Variants in CACNA1C observed in about 807,000 individuals in gnomAD.
CACNA1C encodes the protein voltage-dependent L-type calcium channel subunit alpha-1C.
In CACNA1C, 30 loss-of-function variants were observed where a neutral mutation model predicts 229.0. The observed-to-expected ratio is 0.13, with a 90% CI of 0.10 to 0.18. The LOEUF (loss-of-function observed/expected upper bound fraction) is 0.18, where lower values mean the gene tolerates loss of function less well. Ranked by LOEUF, CACNA1C falls within the 10% of genes least tolerant of loss-of-function variation. The probability of loss-of-function intolerance (pLI) is 1.00; values close to 1 mark genes in which losing one functional copy is unlikely to be tolerated. For synonymous variants in CACNA1C, 1,114 were observed against 1,132.5 expected, an observed-to-expected ratio of 0.98 and a Z score of 0.33; for missense variants, 1,658 against 2,845.0, an observed-to-expected ratio of 0.58 and a Z score of 9.49.
At chr12:2,008,701 C>A (rs1420908384) in intron 1 of CACNA1C, among the ~76,000 whole-genome samples, 4 of 152,064 alleles carry the variant, frequency 2.6e-5, no homozygotes, top group Non-Finnish European at 2.9e-5. Context: ...GATAGAAAAA[C>A]ATGGAAAGGT....
At chr12:2,394,848 T>C (rs567194761) in intron 3 of CACNA1C, among the ~76,000 whole-genome samples, 17 of 152,286 alleles carry the variant, frequency 1.1e-4, no homozygotes, top group Non-Finnish European at 2.5e-4. Context: ...GTTTCCCATC[T>C]CTAACTTGGC....
chr12:2,375,637 C>T (rs1036541695), intron 3 of CACNA1C, among the ~76,000 whole-genome samples: 29 of 152,284 alleles, frequency 1.9e-4, no homozygotes, highest in African/African-American at 6.7e-4. Context: ...TTTTCCAGGC[C>T]GCTGTCTCTT....
intron 1 of CACNA1C, among the ~76,000 whole-genome samples, chr12:2,084,341 T>G (rs1469376918): frequency 1.3e-5 from 2 of 152,226 alleles, no homozygotes; most frequent in Non-Finnish European, 2.9e-5. Context: ...GAGTGTTCTT[T>G]TTTATATTAA....
At chr12:2,024,483 T>C (rs1297686911) in intron 1 of CACNA1C, among the ~76,000 whole-genome samples, 1 of 151,526 alleles carries the variant, frequency 6.6e-6, no homozygotes, top group Non-Finnish European at 1.5e-5. Flanking sequence ...CCACCTAGAG[T>C]GTTGCCCTCC....
intron 1 of CACNA1C, among the ~76,000 whole-genome samples, chr12:2,098,260 G>T (rs1265198042): frequency 6.6e-6 from 1 of 152,158 alleles, no homozygotes; most frequent in Non-Finnish European, 1.5e-5. Context: ...CCTGCTGTCT[G>T]GTGGGGTTTT....
At chr12:2,412,027 TGGCTCCCCACGCCCAAGACCCC>T (rs1220810016) in intron 3 of CACNA1C, among the ~76,000 whole-genome samples, 2 of 152,044 alleles carry the variant, frequency 1.3e-5, no homozygotes, top group Non-Finnish European at 2.9e-5. Flanking sequence ...AGCTAGGCCC[TGGCTCCCCACGCCCAAGACCCC>T]GGCTCCCCAC....
chr12:2,071,172 C>CCCTCCCTGCCTGCCTG (rs1555115765), intron 1 of CACNA1C, among the ~76,000 whole-genome samples: 1 of 16,042 alleles, frequency 6.2e-5, no homozygotes, highest in Non-Finnish European at 1.2e-4. Flanking sequence ...CTCCCTCCCT[C>CCCTCCCTGCCTGCCTG]CCTGCCTGCC....
intron 3 of CACNA1C, among the ~76,000 whole-genome samples, chr12:2,386,887 C>T (rs1467381394): frequency 6.6e-6 from 1 of 152,192 alleles, no homozygotes; most frequent in Non-Finnish European, 1.5e-5. Flanking sequence ...TCTTGCCACC[C>T]CAGTCCTCCA....
Position 2,639,347 on chromosome 12 carries a change from A to C in CACNA1C, c.3912+4967A>C, listed in dbSNP as rs1029064314. The stretch of plus-strand genomic sequence containing the variant: ...CTACAGCACCAGAAACTGCTCCCTA[A>C]ACATCCCAAACTGGAATTAATTTGA... On this transcript the variant is annotated intron_variant, in intron 30 of 46. Transcript: ENST00000399655. The surrounding 1 kb of genome is among the most constrained non-coding windows in gnomAD (Gnocchi z 4.2). Among the ~76,000 whole-genome samples, 1 of 152,122 alleles carries C rather than the reference A, an allele frequency of 6.6e-6. No individual in the cohort carries two copies. Among genetic ancestry groups the C allele is most frequent in the Non-Finnish European group, 1.5e-5 (1 of 68,022 alleles).
rs112759140 is a variant in CACNA1C at position 2,022,965 on chromosome 12, C to T, written c.139+51764C>T. ...GTCTACCCAGGTTTAGCTTTGAGAA[C>T]GTGCAGCTTGTACAGTCTCCCACTG... On this transcript the variant is annotated intron_variant, in intron 1 of 46. Coordinates refer to the CACNA1C transcript ENST00000682462. Among the ~76,000 whole-genome samples, 377 of 152,168 alleles carry T rather than the reference C, an allele frequency of 2.5e-3. 1 individual carries two copies. The highest frequency in any genetic ancestry group is 4.4e-3 in the Non-Finnish European group (296 of 67,998).
At chr12:2,157,801 G>A (rs1199377892) in intron 3 of CACNA1C, among the ~76,000 whole-genome samples, 2 of 152,132 alleles carry the variant, frequency 1.3e-5, no homozygotes, top group African/African-American at 4.8e-5. Flanking sequence ...AGCAAAGGAT[G>A]CCTATTTAAA....
At chr12:2,179,551 A>T (rs984604506) in intron 3 of CACNA1C, among the ~76,000 whole-genome samples, 1 of 152,152 alleles carries the variant, frequency 6.6e-6, no homozygotes, top group African/African-American at 2.4e-5. Context: ...CTGAACATTG[A>T]CCCAGACCCC....
chr12:2,245,818 C>T (rs566239167), intron 3 of CACNA1C, among the ~76,000 whole-genome samples: 254 of 152,286 alleles, frequency 1.7e-3, no homozygotes, highest in Non-Finnish European at 3.0e-3. Flanking sequence ...TGCAGAAATA[C>T]GTTGGCTTCT....
chr12:2,457,677 GC>G lies in CACNA1C; in HGVS notation c.733del (p.Leu245CysfsTer14). ...GCGCTGAGGGCCTTCCGCGTGCTGCGCCCCCTGCGGCTGGTGTCCGGAGTCC... is the reference window on the plus strand; with the variant it reads ...GCGCTGAGGGCCTTCCGCGTGCTGCGCCCCTGCGGCTGGTGTCCGGAGTCC... ...VKALRAFRVL[R>X]PLRLVSGVPS... On this transcript the variant is annotated frameshift_variant, in exon 5 of 47. Transcript: ENST00000399655. LOFTEE classifies it high-confidence loss of function. 1 of 1,602,108 alleles carries G rather than the reference GC, an allele frequency of 6.2e-7. No individual in the cohort carries two copies.
At chr12:2,094,286 GTGCACAT>G (rs2072792138) in intron 1 of CACNA1C, among the ~76,000 whole-genome samples, 2 of 152,228 alleles carry the variant, frequency 1.3e-5, no homozygotes, top group South Asian at 4.1e-4. Flanking sequence ...CCTATGGACA[GTGCACAT>G]CCCATGCTCA....
chr12:2,383,381 G>A (rs915906568), intron 3 of CACNA1C, among the ~76,000 whole-genome samples: 13 of 152,178 alleles, frequency 8.5e-5, no homozygotes, highest in African/African-American at 3.1e-4. Flanking sequence ...CTCCTGGGTG[G>A]TAAGAGATCA....
chr12:2,004,346 T>A, intron 1 of CACNA1C: 2 of 1,613,330 alleles, frequency 1.2e-6, no homozygotes. Flanking sequence ...CACGATGCGG[T>A]TGATATAGGG....
At chr12:2,031,993 T>G (rs968144617) in intron 1 of CACNA1C, among the ~76,000 whole-genome samples, 53 of 151,056 alleles carry the variant, frequency 3.5e-4, no homozygotes, top group Non-Finnish European at 6.4e-4. Flanking sequence ...GTGAGTGTGT[T>G]TGTGTGTGTG....
chr12:2,206,875 C>G (rs528173222), intron 3 of CACNA1C, among the ~76,000 whole-genome samples: 1 of 152,302 alleles, frequency 6.6e-6, no homozygotes, highest in South Asian at 2.1e-4. Context: ...ATTTTTAATA[C>G]CCATGCTTCG....
Sources: gnomAD v4.1 joint callset for allele counts (sites outside exome capture counted in the v4.1 genomes callset) on GRCh38, gnomAD v4.1.1 for gene constraint, Gnocchi (gnomAD v3.1) non-coding constraint, MANE v1.5 for transcripts, NCBI Gene and HGNC (gene_info 2026-07-23, HGNC 2026-07-21) for gene names.